CAND1: variants seen among roughly 807,000 people sequenced by gnomAD.
The protein encoded by CAND1 is cullin-associated NEDD8-dissociated protein 1.
Under a neutral mutation model 108.5 loss-of-function variants are expected in CAND1, and 7 were observed. That is an observed-to-expected ratio of 0.06 (90% confidence interval 0.04 to 0.12). The LOEUF is 0.12. Ranked by LOEUF, CAND1 falls within the 10% of genes least tolerant of loss-of-function variation. CAND1 has a pLI of 1.00. For synonymous variants in CAND1, 534 were observed against 512.0 expected (o/e 1.04, Z -0.58); for missense variants, 941 against 1,448.7 (o/e 0.65, Z 5.69).
chr12:67,271,269 G>A (rs1048555601), intron 1 of CAND1, among the ~76,000 whole-genome samples: 24 of 152,178 alleles, frequency 1.6e-4, no homozygotes, highest in African/African-American at 4.8e-4. Flanking sequence ...GTTTTGTGTT[G>A]TTTTACGGAT....
chr12:67,279,940 A>ACTT (rs2044604709), intron 1 of CAND1, among the ~76,000 whole-genome samples: 2 of 152,212 alleles, frequency 1.3e-5, no homozygotes, highest in Non-Finnish European at 2.9e-5. Context: ...TTGTTTAAGT[A>ACTT]AAACAGTTAA....
At chr12:67,303,363 A>G (rs1234943888) in intron 8 of CAND1, among the ~76,000 whole-genome samples, 1 of 152,208 alleles carries the variant, frequency 6.6e-6, no homozygotes, top group Non-Finnish European at 1.5e-5. Context: ...GTTTTTAAGT[A>G]GTACAAATAA....
At position 67,304,595 on chromosome 12, in the gene CAND1, A is replaced by C. The variant is rs372462385; in HGVS notation, c.1294-10A>C. On this transcript the variant is annotated splice_polypyrimidine_tract_variant and intron_variant, in intron 8 of 14. Coordinates refer to ENST00000545606, the MANE Select transcript of CAND1 (RefSeq NM_018448.5). ...AGCTGAACCAGCTAATGACTATATG[A>C]TAATTGCAGGTTCCCAACATTGTTA... 9.9e-6 allele frequency: 16 copies of C among 1,612,972 alleles called. 1 individual carries two copies. In the African/African-American group the frequency reaches 1.1e-4, roughly 11 times the overall value.
At chr12:67,304,115 G>A (rs111804964) in intron 8 of CAND1, among the ~76,000 whole-genome samples, 6,867 of 150,826 alleles carry the variant, frequency 0.046, 515 homozygotes, top group African/African-American at 0.16. Flanking sequence ...TCAGCCTCCC[G>A]AGTAGCTGGG....
intron 1 of CAND1, among the ~76,000 whole-genome samples, chr12:67,272,171 C>T (rs905874197): frequency 1.8e-4 from 27 of 152,192 alleles, no homozygotes; most frequent in Non-Finnish European, 5.9e-5. Context: ...GCAAAGCACT[C>T]TGCCTGTACT....
In CAND1 at chr12:67,317,760, G is replaced by A; in HGVS notation, c.*4930G>A. 3 of 152,716 alleles carry A rather than the reference G, an allele frequency of 2.0e-5. No homozygotes were observed. In the Middle Eastern group the frequency reaches 0.01, roughly 519 times the overall value. 9.5% of individuals were successfully genotyped at this position (152,716 alleles called of 1,614,324 possible). ...GGCCTCCCAAAGTGCTGGGATTACA[G>A]GCGTGAGCCACGTCCCCCAGCCAGT... On this transcript the variant is annotated 3_prime_UTR_variant, in exon 15 of 15. Coordinates refer to ENST00000545606, the MANE Select transcript of CAND1 (RefSeq NM_018448.5).
At chr12:67,269,844 C>G in intron 1 of CAND1, 59 bp downstream of exon 1, 3 of 1,462,284 alleles carry the variant, frequency 2.1e-6, no homozygotes, top group Non-Finnish European at 2.8e-6. Context: ...CGGCCCTGGC[C>G]GTCACGCAGG....
At position 67,294,823 on chromosome 12, in the gene CAND1, AGTT is replaced by A. The variant is rs140065612; in HGVS notation, c.368-206_368-204del. ...TCCTGTGTCTCATGATCAGGTGTGG[AGTT>A]GTTAAATATTTGGTCTAATTCTTGT... On this transcript the variant is annotated intron_variant, in intron 3 of 14. Transcript: ENST00000545606. The A allele has an allele frequency of 8.3e-3, 2,826 of 342,420 alleles. 24 individuals are homozygous for A. Among genetic ancestry groups the A allele is most frequent in the Non-Finnish European group, 0.011 (2,028 of 183,520 alleles). 21.2% of individuals were successfully genotyped at this position (342,420 alleles called of 1,614,324 possible).
intron 2 of CAND1, among the ~76,000 whole-genome samples, chr12:67,291,280 T>C (rs1261853818): frequency 1.3e-5 from 2 of 152,248 alleles, no homozygotes; most frequent in African/African-American, 4.8e-5. Flanking sequence ...TAGTATTGAC[T>C]TGTTTTCATC....
chr12:67,286,942 C>T (rs1018008551), intron 2 of CAND1, among the ~76,000 whole-genome samples: 1 of 152,136 alleles, frequency 6.6e-6, no homozygotes, highest in Non-Finnish European at 1.5e-5. Flanking sequence ...TTGGCATCTT[C>T]GTCAAAAAAT....
At position 67,302,435 on chromosome 12, in the gene CAND1, C is replaced by A. The variant is rs2044834561; in HGVS notation, c.1113C>A (p.Phe371Leu). 6.2e-7 allele frequency: 1 copy of A among 1,613,970 alleles called. No homozygotes were observed. Among genetic ancestry groups the A allele is most frequent in the South Asian group, 1.1e-5 (1 of 91,080 alleles). Residue 371 changes from phenylalanine (F) to leucine (L), a missense_variant, in exon 8 of 15, where the codon TTC becomes TTA. This residue lies in a region of CAND1 where 697 missense variants were observed against 942.0 expected (regional missense o/e 0.74). Coordinates refer to ENST00000545606, the MANE Select transcript of CAND1 (RefSeq NM_018448.5). ...VSTRHEMLPE[F>L]YKTVSPALIS... ...CAAGGCATGAAATGCTTCCAGAATT[C>A]TACAAGACCGTCTCTCCTGCACTAA...
intron 7 of CAND1, among the ~76,000 whole-genome samples, chr12:67,301,847 A>C (rs999664575): frequency 6.6e-6 from 1 of 152,152 alleles, no homozygotes; most frequent in Non-Finnish European, 1.5e-5. Flanking sequence ...TGGGATTGGT[A>C]ACCATTCTTT....
chr12:67,307,590 C>T (rs1167349235), intron 11 of CAND1, 98 bp downstream of exon 11: 9 of 741,934 alleles, frequency 1.2e-5, no homozygotes, highest in Middle Eastern at 2.9e-4. Flanking sequence ...AATTAAAATG[C>T]TTATAAAATA....
chr12:67,270,016 T>C (rs1320154484), intron 1 of CAND1: 4 of 497,304 alleles, frequency 8.0e-6, no homozygotes, highest in Non-Finnish European at 7.0e-6. Context: ...CCGCGGTCTC[T>C]AGGCCCCGTT....
intron 4 of CAND1, among the ~76,000 whole-genome samples, chr12:67,296,751 G>T (rs2044773646): frequency 6.6e-6 from 1 of 151,612 alleles, no homozygotes; most frequent in African/African-American, 2.4e-5. Context: ...ATCATTTAGA[G>T]ATTTTGGAAG....
chr12:67,310,124 A>G lies in CAND1; in HGVS notation c.3196-28A>G. On this transcript the variant is annotated intron_variant, in intron 12 of 14. Transcript: ENST00000545606. ...CTTGTCTTTGACTTAAGTATTGTAT[A>G]TCCACACGTTCTTTTTTGCTTTAAC... is the stretch of plus-strand genomic sequence containing the variant. 1.9e-6 allele frequency: 3 copies of G among 1,610,618 alleles called. No individual in the cohort carries two copies. The East Asian group carries it at 6.7e-5, about 36-fold the overall frequency.
intron 2 of CAND1, among the ~76,000 whole-genome samples, chr12:67,288,508 C>T (rs187402594): frequency 1.4e-4 from 22 of 152,246 alleles, no homozygotes; most frequent in African/African-American, 5.1e-4. Flanking sequence ...TTACTTTTCC[C>T]TATAGTAAAG....
chr12:67,295,529 G>A (rs74100320), intron 4 of CAND1, among the ~76,000 whole-genome samples: 6,711 of 152,096 alleles, frequency 0.044, 216 homozygotes, highest in African/African-American at 0.087. Flanking sequence ...GGTAATCTTC[G>A]GTAACCATAT....
Position 67,311,728 on chromosome 12 carries a change from C to T in CAND1, c.3396C>T (p.Thr1132=), listed in dbSNP as rs1251711780. ...TTTTAATGTTGGTGAGACTGTCTAC[C>T]CTTTGTCCAAGTGCAGTACTGCAGA... ...LTFLMLVRLS[T]LCPSAVLQRL... is the part of the protein sequence containing the mutation. Residue 1132 remains threonine (T), a synonymous_variant, in exon 14 of 15, where the codon ACC becomes ACT. Coordinates refer to ENST00000545606, the MANE Select transcript of CAND1 (RefSeq NM_018448.5). 1.2e-6 allele frequency: 2 copies of T among 1,610,824 alleles called. No homozygotes were observed. The highest frequency in any genetic ancestry group is 1.7e-5 in the Admixed American group (1 of 59,968).
Sources: gnomAD v4.1 joint callset for allele counts (sites outside exome capture counted in the v4.1 genomes callset) on GRCh38, gnomAD v4.1.1 for gene constraint, gnomAD v4.1.1 regional missense constraint, MANE v1.5 for transcripts, NCBI Gene and HGNC (gene_info 2026-07-23, HGNC 2026-07-21) for gene names.